TMEM50A: variants seen among roughly 807,000 people sequenced by gnomAD.
The protein encoded by TMEM50A is cervical cancer oncogene 9.
In TMEM50A, 8 loss-of-function variants were observed where a neutral mutation model predicts 23.9. That is an observed-to-expected ratio of 0.33 (90% CI 0.20 to 0.60). TMEM50A has a LOEUF of 0.60. Ranked by LOEUF, TMEM50A falls within the 20% of genes least tolerant of loss-of-function variation. The probability of loss-of-function intolerance (pLI) is 0.81; values close to 1 mark genes in which losing one functional copy is unlikely to be tolerated. For missense variants in TMEM50A, 178 were observed against 192.7 expected, an observed-to-expected ratio of 0.92 and a Z score of 0.45; for synonymous variants, 55 against 60.4, an observed-to-expected ratio of 0.91 and a Z score of 0.41.
chr1:25,358,946 G>A (rs1032820463), intron 6 of TMEM50A, among the ~76,000 whole-genome samples: 2 of 152,196 alleles, frequency 1.3e-5, no homozygotes, highest in African/African-American at 4.8e-5. Flanking sequence ...GTAGAGACGG[G>A]GTTTTGCCAT....
At chr1:25,353,125 T>TGTTTG in intron 5 of TMEM50A, 151 bp downstream of exon 5, 2 of 623,848 alleles carry the variant, frequency 3.2e-6, no homozygotes, top group Non-Finnish European at 5.5e-6. Flanking sequence ...CCACCGACAG[T>TGTTTG]GTTTGGTTTT....
intron 5 of TMEM50A, among the ~76,000 whole-genome samples, chr1:25,356,013 A>G (rs1055609349): frequency 3.3e-5 from 5 of 152,098 alleles, no homozygotes; most frequent in African/African-American, 1.2e-4. Flanking sequence ...ACCATTTACC[A>G]TCTCTCCATT....
In TMEM50A at chr1:25,351,620, A is replaced by G; in HGVS notation, c.207-6A>G. Reference sequence around the variant, plus strand: ...CTGATTTCTTGGTTTTATTTTATTCATACAGGATTAATGCAGTATCGAATG... The same window carrying G: ...CTGATTTCTTGGTTTTATTTTATTCGTACAGGATTAATGCAGTATCGAATG... On this transcript the variant is annotated splice_region_variant and splice_polypyrimidine_tract_variant and intron_variant, in intron 3 of 6. Transcript: ENST00000374358. 2 of 1,602,406 alleles carry G rather than the reference A, an allele frequency of 1.2e-6. No homozygotes were observed. The highest frequency in any genetic ancestry group is 1.7e-6 in the Non-Finnish European group (2 of 1,177,022).
intron 6 of TMEM50A, among the ~76,000 whole-genome samples, chr1:25,359,777 A>G (rs971202695): frequency 6.6e-6 from 1 of 152,102 alleles, no homozygotes; most frequent in Non-Finnish European, 1.5e-5. Flanking sequence ...TCATCCCGCT[A>G]GGTCTTGTTC....
At chr1:25,350,395 A>AT (rs886586852) in intron 3 of TMEM50A, among the ~76,000 whole-genome samples, 164 of 149,418 alleles carry the variant, frequency 1.1e-3, no homozygotes, top group African/African-American at 3.6e-3. Context: ...TTTGTTCCCG[A>AT]TTTTTTTTTT....
At chr1:25,351,548 T>G in intron 3 of TMEM50A, 78 bp from the exon 4 acceptor site, 1 of 1,298,800 alleles carries the variant, frequency 7.7e-7, no homozygotes, top group Non-Finnish European at 1.1e-6. Context: ...TAACCTTACA[T>G]TTGAGAAACT....
chr1:25,352,889 C>T lies in TMEM50A; in HGVS notation c.282C>T (p.Arg94=), dbSNP rs1183425174. 2 of 1,613,156 alleles carry T rather than the reference C, an allele frequency of 1.2e-6. No individual in the cohort carries two copies. Among genetic ancestry groups the T allele is most frequent in the East Asian group, 4.5e-5 (2 of 44,832 alleles). The part of the protein sequence containing the change: ...SEGCLGQTGA[R]IWLFVGFMLA... ...AATATTATTTCTTTGAAGGTGCTCG[C>T]ATTTGGCTTTTCGTTGGTTTCATGT... The change falls in exon 5 of 7, where the codon CGC becomes CGT. Residue 94 remains arginine, a synonymous_variant. Transcript: ENST00000374358.
At chr1:25,357,962 T>C (rs1225636081) in intron 6 of TMEM50A, among the ~76,000 whole-genome samples, 1 of 146,740 alleles carries the variant, frequency 6.8e-6, no homozygotes, top group African/African-American at 2.5e-5. Context: ...TTTTTTTTTT[T>C]TTTTAGAGGG....
chr1:25,362,267 TTAATAATGTGTCTGTAACCAAGAAAA>T lies in TMEM50A; in HGVS notation c.*1565_*1590del. 1 of 742,014 alleles carries T rather than the reference TTAATAATGTGTCTGTAACCAAGAAAA, an allele frequency of 1.3e-6. No individual in the cohort carries two copies. The highest frequency in any genetic ancestry group is 2.1e-6 in the Non-Finnish European group (1 of 467,542). 46.0% of individuals were successfully genotyped at this position (742,014 alleles called of 1,614,324 possible). Reference sequence around the variant, plus strand: ...TTGTCAATAAAATTAACCCAAAACTTTAATAATGTGTCTGTAACCAAGAAAATATTGATAGCATCATCCTAATGAAA... The same window carrying T: ...TTGTCAATAAAATTAACCCAAAACTTTATTGATAGCATCATCCTAATGAAA... On this transcript the variant is annotated 3_prime_UTR_variant, in exon 7 of 7. Coordinates refer to ENST00000374358, the MANE Select transcript of TMEM50A (RefSeq NM_014313.4).
At position 25,340,450 on chromosome 1, in the gene TMEM50A, ATTGT is replaced by A. The variant is rs372427039; in HGVS notation, c.-13-9_-13-6del. Reference sequence around the variant, plus strand: ...GCAAGTAAATGGAAGTACTTATTTAATTGTTTGTTTGTTTGTTTTTAAGTGACCT... The same window carrying A: ...GCAAGTAAATGGAAGTACTTATTTAATTGTTTGTTTGTTTTTAAGTGACCT... On this transcript the variant is annotated intron_variant, in intron 1 of 6. Transcript: ENST00000374358. The A allele has an allele frequency of 5.9e-5, 91 of 1,530,296 alleles. No homozygotes were observed. The highest frequency in any genetic ancestry group is 8.2e-5 in the African/African-American group (6 of 73,194). 94.8% of individuals were successfully genotyped at this position (1,530,296 alleles called of 1,614,324 possible).
intron 5 of TMEM50A, among the ~76,000 whole-genome samples, chr1:25,353,222 C>T (rs1645299192): frequency 6.6e-6 from 1 of 152,182 alleles, no homozygotes; most frequent in African/African-American, 2.4e-5. Context: ...GCTCTAAACA[C>T]TGCTTTTCTT....
chr1:25,352,272 G>A (rs1408863083), intron 4 of TMEM50A, among the ~76,000 whole-genome samples: 1 of 152,098 alleles, frequency 6.6e-6, no homozygotes, highest in Non-Finnish European at 1.5e-5. Flanking sequence ...AAGGCAGGCA[G>A]ATCACAAGGT....
At chr1:25,349,141 T>G (rs1335319431) in intron 3 of TMEM50A, among the ~76,000 whole-genome samples, 1 of 152,158 alleles carries the variant, frequency 6.6e-6, no homozygotes, top group African/African-American at 2.4e-5. Flanking sequence ...CTCTGTCCGC[T>G]AAGAGTGCCC....
At chr1:25,345,307 G>A (rs973940808) in intron 3 of TMEM50A, among the ~76,000 whole-genome samples, 20 of 151,982 alleles carry the variant, frequency 1.3e-4, no homozygotes, top group Non-Finnish European at 1.5e-5. Context: ...AAGGCTGGGC[G>A]CAATGGCTCA....
At chr1:25,351,174 A>G (rs1645271975) in intron 3 of TMEM50A, among the ~76,000 whole-genome samples, 1 of 151,170 alleles carries the variant, frequency 6.6e-6, no homozygotes, top group Non-Finnish European at 1.5e-5. Context: ...CAAAAAAAAA[A>G]AAAAAAAAGG....
intron 3 of TMEM50A, among the ~76,000 whole-genome samples, chr1:25,347,566 A>G (rs1210635149): frequency 1.3e-5 from 2 of 152,284 alleles, no homozygotes; most frequent in Admixed American, 6.5e-5. Flanking sequence ...TAGGTTGTAG[A>G]GTCATCTCAT....
chr1:25,344,202 C>G (rs1192397242), intron 3 of TMEM50A, among the ~76,000 whole-genome samples: 1 of 152,172 alleles, frequency 6.6e-6, no homozygotes, highest in African/African-American at 2.4e-5. Context: ...GATTGTGCCA[C>G]TGCACTTCAG....
chr1:25,345,173 G>C (rs1645201738), intron 3 of TMEM50A, among the ~76,000 whole-genome samples: 1 of 148,450 alleles, frequency 6.7e-6, no homozygotes, highest in African/African-American at 2.5e-5. Flanking sequence ...GGCCGGGCAT[G>C]GTGGCTCACG....
chr1:25,353,678 T>C (rs1362967599), intron 5 of TMEM50A, among the ~76,000 whole-genome samples: 6 of 152,300 alleles, frequency 3.9e-5, no homozygotes, highest in Admixed American at 3.9e-4. Flanking sequence ...ATAAGGCCAC[T>C]TTAAGGCAAG....
Sources: allele counts gnomAD v4.1 joint callset (sites outside exome capture counted in the v4.1 genomes callset), GRCh38; gene constraint gnomAD v4.1.1; transcripts MANE v1.5; gene names NCBI Gene and HGNC (gene_info 2026-07-23, HGNC 2026-07-21).